The following CARMIL3 variants were observed in gnomAD, a reference collection of about 807,000 sequenced individuals.
CARMIL3 encodes the protein capping protein, Arp2/3 and myosin-I linker protein 3.
A neutral mutation model predicts 180.8 loss-of-function variants in CARMIL3; 88 were observed. That is an observed-to-expected ratio of 0.49 (90% CI 0.41 to 0.58). The LOEUF is 0.58. Ranked by LOEUF, CARMIL3 falls within the 20% of genes least tolerant of loss-of-function variation. The probability of loss-of-function intolerance (pLI) is 0.00; values close to 1 mark genes in which losing one functional copy is unlikely to be tolerated. For missense variants in CARMIL3, 1,548 were observed against 1,787.0 expected (o/e 0.87, Z 2.41); for synonymous variants, 696 against 714.5 (o/e 0.97, Z 0.41).
At position 24,056,961 on chromosome 14, in the gene CARMIL3, C is replaced by T; in HGVS notation, c.999C>T (p.Ala333=). ...GQTFGANPAF[A]SSLRYLDLSK... is the part of the protein sequence containing the mutation. The stretch of plus-strand genomic sequence containing the variant: ...CCTTCGGGGCAAACCCAGCATTTGC[C>T]AGCTCCCTTCGATACCTGGACCTGA... The change falls in exon 13 of 40, where the codon GCC becomes GCT. Residue 333 remains alanine, a synonymous_variant. Coordinates refer to ENST00000342740, the MANE Select transcript of CARMIL3 (RefSeq NM_138360.4). The T allele has an allele frequency of 1.2e-6, 2 of 1,614,090 alleles. No individual in the cohort carries two copies. The highest frequency in any genetic ancestry group is 1.7e-6 in the Non-Finnish European group (2 of 1,179,996).
intron 25 of CARMIL3, 53 bp from the exon 26 acceptor site, chr14:24,060,874 G>T: frequency 6.5e-7 from 1 of 1,541,140 alleles, no homozygotes; most frequent in Non-Finnish European, 8.8e-7. Context: ...GGACCCCAGA[G>T]ACCTAGCAAG....
In CARMIL3 at chr14:24,061,783, A is replaced by G; in HGVS notation, c.2480+111A>G. 8.3e-7 allele frequency: 1 copy of G among 1,202,560 alleles called. No homozygotes were observed. Among genetic ancestry groups the G allele is most frequent in the Non-Finnish European group, 1.2e-6 (1 of 866,028 alleles). The allele number at this position is 1,202,560 out of a possible 1,614,324, so 74.5% of individuals were successfully genotyped here. On this transcript the variant is annotated intron_variant, in intron 27 of 39. Transcript: ENST00000342740. The surrounding 1 kb of genome is among the most constrained non-coding windows in gnomAD (Gnocchi z 4.1). ...AATAATGAATGGCACAATCTCCATT[A>G]CAAGGATCAATCTTTAACCAAGTGC...
intron 38 of CARMIL3, 85 bp downstream of exon 38, chr14:24,069,051 G>T: frequency 6.3e-7 from 1 of 1,590,858 alleles, no homozygotes. Flanking sequence ...AGCATGGAAT[G>T]AGTGACAACC....
At chr14:24,063,625 T>A in intron 31 of CARMIL3, 92 bp downstream of exon 31, 1 of 1,288,808 alleles carries the variant, frequency 7.8e-7, no homozygotes, top group Non-Finnish European at 1.1e-6. Flanking sequence ...CCAGAGACAG[T>A]AGCCTTGAGG....
chr14:24,063,049 AT>A, intron 29 of CARMIL3, 70 bp from the exon 30 acceptor site: 1 of 1,584,710 alleles, frequency 6.3e-7, no homozygotes, highest in East Asian at 2.3e-5. Context: ...ATGGGCTCAA[AT>A]AAGGTTTCAT....
chr14:24,059,867 A>G lies in CARMIL3; in HGVS notation c.1869-103A>G. The G allele has an allele frequency of 6.5e-7, 1 of 1,533,372 alleles. No homozygotes were observed. The highest frequency in any genetic ancestry group is 1.1e-5 in the South Asian group (1 of 89,040). 95.0% of individuals were successfully genotyped at this position (1,533,372 alleles called of 1,614,324 possible). On this transcript the variant is annotated intron_variant, in intron 22 of 39. Transcript: ENST00000342740. The surrounding 1 kb of genome is among the most constrained non-coding windows in gnomAD (Gnocchi z 6.3). ...AATTTTAGGAAGGGCCATGGAAGAC[A>G]GAAATGATGAGCAAGGGGGCTGGAG...
rs909993517 is a variant in CARMIL3 at position 24,056,706 on chromosome 14, G to A, written c.950G>A (p.Arg317Gln). Reference protein sequence around the residue: ...LCLAKTAISPRGLQALGQTFG... With the variant: ...LCLAKTAISPQGLQALGQTFG... ...CTGGCCAAGACTGCCATTTCCCCTC[G>A]AGGTACTCGCACCAAGGACCCCTGA... The change falls in exon 12 of 40, where the codon CGA becomes CAA. Residue 317 changes from arginine (R) to glutamine (Q), a missense_variant and splice_region_variant. Around this residue, in one of 4 missense-constraint regions of CARMIL3, gnomAD observed 578 missense variants for 666.5 expected, o/e 0.87. Transcript: ENST00000342740. 2.0e-5 allele frequency: 33 copies of A among 1,612,552 alleles called. No homozygotes were observed. The highest frequency in any genetic ancestry group is 1.3e-4 in the Admixed American group (8 of 59,996).
chr14:24,061,513 T>C lies in CARMIL3; in HGVS notation c.2321T>C (p.Met774Thr). Residue 774 changes from methionine (M) to threonine (T), a missense_variant, in exon 27 of 40, where the codon ATG becomes ACG. Transcript: ENST00000342740. This position sits in a 1 kb window ranked among gnomAD's most constrained non-coding sequence, Gnocchi z 4.1. ...DKELQVILES[M>T]VSLTQELCPV... is the part of the protein sequence containing the mutation. Reference sequence around the variant, plus strand: ...CCATACTAGGTGATCCTGGAGTCCATGGTCAGCCTGACACAGGAGTTATGC... The same window carrying C: ...CCATACTAGGTGATCCTGGAGTCCACGGTCAGCCTGACACAGGAGTTATGC... The C allele has an allele frequency of 6.2e-7, 1 of 1,613,534 alleles. No individual in the cohort carries two copies. Among genetic ancestry groups the C allele is most frequent in the Non-Finnish European group, 8.5e-7 (1 of 1,179,660 alleles).
chr14:24,056,239 G>C (rs2035670343), intron 10 of CARMIL3, 60 bp from the exon 11 acceptor site: 2 of 1,416,182 alleles, frequency 1.4e-6, no homozygotes, highest in African/African-American at 2.8e-5. Flanking sequence ...AGGAGGGGAA[G>C]CCCAGAGGCT....
At chr14:24,053,266 ACT>A (rs1476944162) in intron 1 of CARMIL3, among the ~76,000 whole-genome samples, 1 of 151,734 alleles carries the variant, frequency 6.6e-6, no homozygotes, top group Non-Finnish European at 1.5e-5. Flanking sequence ...AGGCATGCAC[ACT>A]CTCATAGTAA....
intron 34 of CARMIL3, 90 bp from the exon 35 acceptor site, chr14:24,066,308 G>A: frequency 6.9e-7 from 1 of 1,443,460 alleles, no homozygotes; most frequent in African/African-American, 1.4e-5. Flanking sequence ...ACATGAGAAT[G>A]ACATGGAGAT....
At position 24,052,172 on chromosome 14, in the gene CARMIL3, G is replaced by C; in HGVS notation, c.19G>C (p.Glu7Gln). The C allele has an allele frequency of 6.3e-7, 1 of 1,592,554 alleles. No individual in the cohort carries two copies. Among genetic ancestry groups the C allele is most frequent in the Non-Finnish European group, 8.5e-7 (1 of 1,173,906 alleles). Reference sequence around the variant, plus strand: ...GGCCGCCATGGCCAAGCCCAGCGTGGAGCTCACCCGCGAGTTGCAAGGTAC... The same window carrying C: ...GGCCGCCATGGCCAAGCCCAGCGTGCAGCTCACCCGCGAGTTGCAAGGTAC... The part of the protein sequence containing the change: MAKPSV[E>Q]LTRELQDSIR... Residue 7 changes from glutamate to glutamine, a missense_variant, in exon 1 of 40, where the codon GAG becomes CAG. Glu to Gln is a conservative substitution (Grantham distance 29, BLOSUM62 2). Coordinates refer to ENST00000342740, the MANE Select transcript of CARMIL3 (RefSeq NM_138360.4).
chr14:24,064,302 G>A lies in CARMIL3; in HGVS notation c.3036G>A (p.Gly1012=), dbSNP rs908801055. The A allele has an allele frequency of 1.9e-6, 3 of 1,612,958 alleles. No individual in the cohort carries two copies. In the African/African-American group the frequency reaches 4.0e-5, roughly 22 times the overall value. The change falls in exon 32 of 40, where the codon GGG becomes GGA. Residue 1012 remains glycine (G), a synonymous_variant. Transcript: ENST00000342740. Reference sequence around the variant, plus strand: ...GGATGGCCACCCGCCTGGATGAAGGGCTGGAGGACTTCTTCAGCCGAAGGG... The same window carrying A: ...GGATGGCCACCCGCCTGGATGAAGGACTGGAGGACTTCTTCAGCCGAAGGG... ...ENGMATRLDE[G]LEDFFSRRVL...
At chr14:24,063,688 T>G (rs1410367101) in intron 31 of CARMIL3, among the ~76,000 whole-genome samples, 155 bp downstream of exon 31, 1 of 152,102 alleles carries the variant, frequency 6.6e-6, no homozygotes, top group East Asian at 1.9e-4. Context: ...TTGCCCAGTT[T>G]TTATGAGAGC....
rs754781513 is a variant in CARMIL3 at position 24,056,937 on chromosome 14, C to T, written c.975C>T (p.Thr325=). 3.7e-6 allele frequency: 6 copies of T among 1,613,984 alleles called. No homozygotes were observed. The highest frequency in any genetic ancestry group is 5.1e-6 in the Non-Finnish European group (6 of 1,180,026). ...CAGGGCTCCAGGCACTCGGCCAGAC[C>T]TTCGGGGCAAACCCAGCATTTGCCA... ...SPRGLQALGQ[T]FGANPAFASS... is the part of the protein sequence containing the mutation. Residue 325 remains threonine (T), a synonymous_variant, in exon 13 of 40, where the codon ACC becomes ACT. Transcript: ENST00000342740.
chr14:24,063,089 C>G, intron 29 of CARMIL3, 31 bp from the exon 30 acceptor site: 1 of 1,607,300 alleles, frequency 6.2e-7, no homozygotes, highest in Non-Finnish European at 8.5e-7. Context: ...GGTGAGGTGC[C>G]TGGCCCTGCC....
At chr14:24,060,414 G>A (rs967879563) in intron 24 of CARMIL3, among the ~76,000 whole-genome samples, 159 bp downstream of exon 24, 1 of 152,190 alleles carries the variant, frequency 6.6e-6, no homozygotes, top group Admixed American at 6.5e-5. Flanking sequence ...TGCAGGATAT[G>A]GGCTTCAAAC....
At chr14:24,060,116 C>G (rs1386103444) in intron 23 of CARMIL3, 41 bp from the exon 24 acceptor site, 2 of 1,613,576 alleles carry the variant, frequency 1.2e-6, no homozygotes, top group East Asian at 4.5e-5. Flanking sequence ...GGGGGCAGCC[C>G]CCATCCCCAG....
At chr14:24,060,565 G>A (rs1419544572) in intron 24 of CARMIL3, 63 bp from the exon 25 acceptor site, 1 of 1,591,978 alleles carries the variant, frequency 6.3e-7, no homozygotes, top group African/African-American at 1.3e-5. Flanking sequence ...ACTGTCTAAG[G>A]GGTCCTACCT....
Sources: gnomAD v4.1 joint callset for allele counts (sites outside exome capture counted in the v4.1 genomes callset) on GRCh38, gnomAD v4.1.1 for gene constraint, gnomAD v4.1.1 regional missense constraint, Gnocchi (gnomAD v3.1) non-coding constraint, MANE v1.5 for transcripts, NCBI Gene and HGNC (gene_info 2026-07-23, HGNC 2026-07-21) for gene names.